Variants in EPHA5 observed in about 807,000 individuals in gnomAD.
The protein encoded by EPHA5 is ephrin type-A receptor 5.
In EPHA5, 60 loss-of-function variants were observed where a neutral mutation model predicts 105.0. The ratio of observed to expected loss-of-function variants is 0.57; its 90% CI spans 0.46 to 0.71. The LOEUF (loss-of-function observed/expected upper bound fraction) is 0.71. EPHA5 is among the 30% of genes least tolerant of loss of function. EPHA5 has a pLI of 0.00. For synonymous variants in EPHA5, 513 were observed against 449.1 expected (o/e 1.14, Z -1.80); for missense variants, 1,218 against 1,274.7 (o/e 0.96, Z 0.68).
intron 1 of EPHA5, 64 bp downstream of exon 1, chr4:65,669,498 A>G (rs1578744325): frequency 2.3e-6 from 3 of 1,290,866 alleles, no homozygotes; most frequent in African/African-American, 1.5e-5. Context: ...TGAGACCTGA[A>G]CTCCCAGGCC....
intron 8 of EPHA5, among the ~76,000 whole-genome samples, chr4:65,379,986 C>G (rs964392560): frequency 6.6e-6 from 1 of 151,720 alleles, no homozygotes; most frequent in African/African-American, 2.4e-5. Context: ...ACAGTAACAG[C>G]TTGACATCAG....
At chr4:65,463,346 C>G (rs1417888490) in intron 5 of EPHA5, among the ~76,000 whole-genome samples, 1 of 152,026 alleles carries the variant, frequency 6.6e-6, no homozygotes, top group Non-Finnish European at 1.5e-5. Flanking sequence ...TTTGTGGTTT[C>G]TATGATATCA....
chr4:65,332,633 G>A (rs1271785076), intron 15 of EPHA5, among the ~76,000 whole-genome samples: 1 of 151,400 alleles, frequency 6.6e-6, no homozygotes, highest in African/African-American at 2.4e-5. Flanking sequence ...GGTGGGGGAA[G>A]GCTACATATG....
chr4:65,367,219 A>G, intron 9 of EPHA5, 138 bp downstream of exon 9: 1 of 701,340 alleles, frequency 1.4e-6, no homozygotes, highest in Non-Finnish European at 2.3e-6. Context: ...ACAGGAATGT[A>G]ACAAATAGAA....
chr4:65,633,419 G>A (rs1364580001), intron 2 of EPHA5, among the ~76,000 whole-genome samples: 4 of 151,820 alleles, frequency 2.6e-5, no homozygotes, highest in Admixed American at 2.0e-4. Flanking sequence ...AAAAATACCT[G>A]GTGATTTGTC....
intron 3 of EPHA5, among the ~76,000 whole-genome samples, chr4:65,587,544 C>T (rs1742235923): frequency 6.6e-6 from 1 of 152,038 alleles, no homozygotes; most frequent in South Asian, 2.1e-4. Flanking sequence ...ACAATCTCTC[C>T]CTCAACTACA....
chr4:65,399,997 G>A (rs1457948474), intron 8 of EPHA5, among the ~76,000 whole-genome samples: 1 of 152,046 alleles, frequency 6.6e-6, no homozygotes, highest in Non-Finnish European at 1.5e-5. Context: ...AATTTACACT[G>A]TCTGAAATAA....
chr4:65,647,562 C>T (rs80147133), intron 1 of EPHA5, among the ~76,000 whole-genome samples: 3,089 of 151,992 alleles, frequency 0.02, 112 homozygotes, highest in African/African-American at 0.069. Flanking sequence ...TATTGTACAA[C>T]TTAATTAAAA....
At chr4:65,594,814 C>A (rs1355297162) in intron 3 of EPHA5, among the ~76,000 whole-genome samples, 3 of 152,088 alleles carry the variant, frequency 2.0e-5, no homozygotes, top group Non-Finnish European at 4.4e-5. Flanking sequence ...CATCCACCAA[C>A]ACCACTTATA....
At chr4:65,394,841 T>C (rs887900280) in intron 8 of EPHA5, among the ~76,000 whole-genome samples, 18 of 152,144 alleles carry the variant, frequency 1.2e-4, no homozygotes, top group Admixed American at 2.6e-4. Flanking sequence ...TGTTAGATAA[T>C]GATATACTTA....
chr4:65,330,276 T>C (rs980581315), intron 16 of EPHA5, among the ~76,000 whole-genome samples: 1 of 151,296 alleles, frequency 6.6e-6, no homozygotes, highest in African/African-American at 2.4e-5. Context: ...TAAGAGGTTA[T>C]TAGGGCTTGA....
At chr4:65,548,495 G>A (rs1312320167) in intron 3 of EPHA5, among the ~76,000 whole-genome samples, 4 of 151,910 alleles carry the variant, frequency 2.6e-5, no homozygotes, top group Non-Finnish European at 5.9e-5. Context: ...TAGGCAAAAT[G>A]AGTCAGAATT....
intron 5 of EPHA5, among the ~76,000 whole-genome samples, chr4:65,422,807 A>G (rs1035641713): frequency 6.6e-6 from 1 of 152,088 alleles, no homozygotes; most frequent in Non-Finnish European, 1.5e-5. Context: ...TAAATTTAGA[A>G]TAGCTTTATT....
Position 65,353,735 on chromosome 4 carries a change from C to A in EPHA5, c.2174-632G>T, listed in dbSNP as rs12502800. Among the ~76,000 whole-genome samples, 869 of 151,846 alleles carry A rather than the reference C, an allele frequency of 5.7e-3. 12 individuals are homozygous for A. The highest frequency in any genetic ancestry group is 0.029 in the East Asian group (148 of 5,148). ...CCTATCTAACTGCCCTGTTTATGATCCTTTGAATGTATATTGCATTTTCCT... is the reference window on the plus strand; with the variant it reads ...CCTATCTAACTGCCCTGTTTATGATACTTTGAATGTATATTGCATTTTCCT... On this transcript the variant is annotated intron_variant, in intron 11 of 16. Transcript: ENST00000613740.
intron 1 of EPHA5, among the ~76,000 whole-genome samples, chr4:65,664,880 T>G (rs1252250756): frequency 1.3e-5 from 2 of 152,028 alleles, no homozygotes; most frequent in African/African-American, 4.8e-5. Context: ...AGACATGAAA[T>G]TCAAACCTCA....
At chr4:65,331,326 T>C in intron 16 of EPHA5, 13 of 1,035,072 alleles carry the variant, frequency 1.3e-5, no homozygotes, top group South Asian at 4.6e-5. Flanking sequence ...AAGAACTTAA[T>C]ATTTAACTCT....
Position 65,628,732 on chromosome 4 carries a change from T to G in EPHA5, c.246+14631A>C, listed in dbSNP as rs1336514271. 6.6e-5 allele frequency among the ~76,000 whole-genome samples: 10 copies of G among 152,182 alleles called. 1 individual carries two copies. The highest frequency in any genetic ancestry group is 1.2e-4 in the Non-Finnish European group (8 of 68,010). On this transcript the variant is annotated intron_variant, in intron 2 of 16. Transcript: ENST00000613740. ...TTATACTCATGGTTATGTCTTTAAC[T>G]GTGCAGATTGGAAGTATTTGTGAAT...
intron 3 of EPHA5, among the ~76,000 whole-genome samples, chr4:65,501,020 G>C (rs1732432566): frequency 6.6e-6 from 1 of 151,244 alleles, no homozygotes; most frequent in Non-Finnish European, 1.5e-5. Context: ...TGAATTATCA[G>C]AGGATATAAG....
At chr4:65,590,067 A>C (rs1742489568) in intron 3 of EPHA5, among the ~76,000 whole-genome samples, 1 of 152,194 alleles carries the variant, frequency 6.6e-6, no homozygotes, top group Admixed American at 6.6e-5. Flanking sequence ...TCCAGCATTC[A>C]TTCTCCATGT....
Sources: gnomAD v4.1 joint callset for allele counts (sites outside exome capture counted in the v4.1 genomes callset) on GRCh38, gnomAD v4.1.1 for gene constraint, MANE v1.5 for transcripts, NCBI Gene and HGNC (gene_info 2026-07-23, HGNC 2026-07-21) for gene names.